CWH43: variants seen among roughly 807,000 people sequenced by gnomAD.
CWH43 encodes cell wall biogenesis 43 C-terminal homolog.
CWH43 carries 91 observed loss-of-function variants against 85.7 expected under a neutral mutation model. The ratio of observed to expected loss-of-function variants is 1.06; its 90% CI spans 0.90 to 1.26. The LOEUF is 1.26. Among genes scored for constraint, CWH43 ranks in the 50% most tolerant of loss-of-function variants. CWH43 has a pLI of 0.00. For synonymous variants in CWH43, 323 were observed against 293.6 expected, an observed-to-expected ratio of 1.10 and a Z score of -1.02; for missense variants, 869 against 839.2, an observed-to-expected ratio of 1.04 and a Z score of -0.44.
In CWH43 at chr4:49,017,837, AT is replaced by A. The variant is rs745640613; in HGVS notation, c.1266+523del. ...GAGAGAGAGGGAGTAGGTGCTACAC[AT>A]TTTTTTTTTTTTTATTTGATGGAGT... On this transcript the variant is annotated intron_variant, in intron 9 of 15. Coordinates refer to ENST00000226432, the MANE Select transcript of CWH43 (RefSeq NM_025087.3). Among the ~76,000 whole-genome samples, 1,121 of 141,870 alleles carry A rather than the reference AT, an allele frequency of 7.9e-3. 1 individual carries two copies. The highest frequency in any genetic ancestry group is 0.015 in the Middle Eastern group (4 of 274). 93.1% of individuals were successfully genotyped at this position (141,870 alleles called of 152,430 possible).
At chr4:49,053,963 T>G (rs1313502521) in intron 15 of CWH43, among the ~76,000 whole-genome samples, 1 of 152,200 alleles carries the variant, frequency 6.6e-6, no homozygotes, top group Non-Finnish European at 1.5e-5. Context: ...TCCCATAGGT[T>G]GTCTCTTCAG....
chr4:49,015,491 T>A (rs1296707053), intron 8 of CWH43, among the ~76,000 whole-genome samples: 1 of 152,198 alleles, frequency 6.6e-6, no homozygotes, highest in Admixed American at 6.5e-5. Flanking sequence ...TGTTTTGGTG[T>A]TCCGTAGTTT....
chr4:49,042,347 G>T (rs1784489040), intron 13 of CWH43, among the ~76,000 whole-genome samples: 2 of 152,176 alleles, frequency 1.3e-5, no homozygotes, highest in South Asian at 2.1e-4. Context: ...TAGCCTTGGA[G>T]CCACAGATGG....
In CWH43 at chr4:49,044,768, C is replaced by A. The variant is rs778734574; in HGVS notation, c.1804-18C>A. Reference sequence around the variant, plus strand: ...TGCTTTTTATGCTTTAAACATTCTCCTCTCTGCTCTTTATTAGGATATCGA... The same window carrying A: ...TGCTTTTTATGCTTTAAACATTCTCATCTCTGCTCTTTATTAGGATATCGA... On this transcript the variant is annotated intron_variant, in intron 13 of 15. Coordinates refer to ENST00000226432, the MANE Select transcript of CWH43 (RefSeq NM_025087.3). 13 of 1,604,292 alleles carry A rather than the reference C, an allele frequency of 8.1e-6. No homozygotes were observed. In the South Asian group the frequency reaches 1.5e-4, roughly 18 times the overall value.
intron 8 of CWH43, among the ~76,000 whole-genome samples, chr4:49,007,776 C>A (rs1376016689): frequency 6.6e-6 from 1 of 152,160 alleles, no homozygotes; most frequent in Non-Finnish European, 1.5e-5. Flanking sequence ...TTTCCAGCTT[C>A]ATTCATGCCC....
chr4:49,011,604 G>A (rs373711096), intron 8 of CWH43, among the ~76,000 whole-genome samples: 5 of 152,128 alleles, frequency 3.3e-5, no homozygotes, highest in African/African-American at 7.2e-5. Flanking sequence ...ACTGGTTGGC[G>A]TGTTTTTGCA....
chr4:48,999,566 A>G (rs1169180184), intron 6 of CWH43, among the ~76,000 whole-genome samples: 2 of 152,204 alleles, frequency 1.3e-5, no homozygotes, highest in Non-Finnish European at 2.9e-5. Context: ...GTAGTGGTCA[A>G]GTCAGAGTTC....
At chr4:48,996,983 G>C (rs1478716948) in intron 5 of CWH43, among the ~76,000 whole-genome samples, 1 of 152,162 alleles carries the variant, frequency 6.6e-6, no homozygotes, top group African/African-American at 2.4e-5. Context: ...ACATCAAATA[G>C]GTTGAGGAAA....
At chr4:49,031,039 T>C (rs1419425396) in intron 11 of CWH43, 79 bp downstream of exon 11, 44 of 1,338,296 alleles carry the variant, frequency 3.3e-5, no homozygotes, top group Non-Finnish European at 3.9e-5. Context: ...CAAGTTGATA[T>C]TGTAATATCT....
At chr4:48,988,325 TTCC>T in intron 1 of CWH43, 149 bp from the exon 2 acceptor site, 4 of 488,486 alleles carry the variant, frequency 8.2e-6, no homozygotes, top group South Asian at 4.5e-5. Flanking sequence ...TCTTGTTTTG[TTCC>T]ATGTCAGTGG....
At chr4:49,029,519 C>T (rs568356540) in intron 10 of CWH43, among the ~76,000 whole-genome samples, 13 of 152,266 alleles carry the variant, frequency 8.5e-5, no homozygotes, top group African/African-American at 2.6e-4. Flanking sequence ...GCCCGGCACC[C>T]GTAAAGGGTC....
chr4:49,058,864 T>G (rs1393834281), intron 15 of CWH43, among the ~76,000 whole-genome samples: 2 of 152,218 alleles, frequency 1.3e-5, no homozygotes, highest in African/African-American at 4.8e-5. Flanking sequence ...GTTTTTTCTC[T>G]TTGCTTTTCT....
rs541089818 is a variant in CWH43 at position 49,016,314 on chromosome 4, T to C, written c.1187-935T>C. On this transcript the variant is annotated intron_variant, in intron 8 of 15. Coordinates refer to ENST00000226432, the MANE Select transcript of CWH43 (RefSeq NM_025087.3). The stretch of plus-strand genomic sequence containing the variant: ...TGTTTATTCCCTCCCATGTGAGTGG[T>C]TCGCATACAGAGCACACACAGGAGT... Among the ~76,000 whole-genome samples, 44 of 152,262 alleles carry C rather than the reference T, an allele frequency of 2.9e-4. No individual in the cohort carries two copies. The South Asian group carries it at 5.6e-3, about 19-fold the overall frequency.
chr4:49,000,113 G>A (rs1341552826), intron 6 of CWH43, among the ~76,000 whole-genome samples: 2 of 152,144 alleles, frequency 1.3e-5, no homozygotes, highest in African/African-American at 4.8e-5. Context: ...TGTGAGGAGA[G>A]ATGAGATGTT....
chr4:48,989,118 C>G (rs1782578273), intron 2 of CWH43, among the ~76,000 whole-genome samples: 1 of 152,210 alleles, frequency 6.6e-6, no homozygotes, highest in Admixed American at 6.5e-5. Flanking sequence ...GCTAATTTCT[C>G]TTATATATAG....
At chr4:49,057,560 C>G (rs1432234247) in intron 15 of CWH43, among the ~76,000 whole-genome samples, 4 of 152,154 alleles carry the variant, frequency 2.6e-5, no homozygotes, top group Non-Finnish European at 5.9e-5. Flanking sequence ...ATTTTCCTTT[C>G]ATTTGCACTT....
At chr4:49,011,360 C>G (rs922013445) in intron 8 of CWH43, among the ~76,000 whole-genome samples, 27 of 151,938 alleles carry the variant, frequency 1.8e-4, no homozygotes, top group Admixed American at 6.6e-5. Flanking sequence ...TTATTTTGAG[C>G]CCATGTGTGT....
At chr4:49,016,600 G>T in intron 8 of CWH43, 1 of 733,874 alleles carries the variant, frequency 1.4e-6, no homozygotes, top group Non-Finnish European at 2.5e-6. Context: ...GGAAGGTACA[G>T]TTTGGATGAG....
Position 49,014,435 on chromosome 4 carries a change from G to GCACTTC in CWH43, c.1187-2814_1187-2813insCACTTC, listed in dbSNP as rs1435571796. Among the ~76,000 whole-genome samples the GCACTTC allele has an allele frequency of 6.7e-4, 96 of 143,020 alleles. 1 individual carries two copies. In the South Asian group the frequency reaches 0.02, roughly 30 times the overall value. 93.8% of individuals were successfully genotyped at this position (143,020 alleles called of 152,430 possible). On this transcript the variant is annotated intron_variant, in intron 8 of 15. Transcript: ENST00000226432. ...GATGGTGCCACTGCACTTCAGCATGGATGACAGAATGAGACTCTGACTCAA... is the reference window on the plus strand; with the variant it reads ...GATGGTGCCACTGCACTTCAGCATGGCACTTCATGACAGAATGAGACTCTGACTCAA...
Sources: allele counts gnomAD v4.1 joint callset (sites outside exome capture counted in the v4.1 genomes callset), GRCh38; gene constraint gnomAD v4.1.1; transcripts MANE v1.5; gene names NCBI Gene and HGNC (gene_info 2026-07-23, HGNC 2026-07-21).